Variants in NKAIN3 observed in about 807,000 individuals in gnomAD.
NKAIN3 encodes the protein sodium/potassium transporting ATPase interacting 3.
A neutral mutation model predicts 30.2 loss-of-function variants in NKAIN3; 25 were observed. The ratio of observed to expected loss-of-function variants is 0.83; its 90% CI spans 0.60 to 1.16. NKAIN3 has a LOEUF of 1.16. Ranked by LOEUF, NKAIN3 falls within the 50% of genes most tolerant of loss-of-function variation. The pLI, the probability that NKAIN3 is intolerant of heterozygous loss-of-function variation, is 0.00. For synonymous variants in NKAIN3, 91 were observed against 89.6 expected, an observed-to-expected ratio of 1.02 and a Z score of -0.09; for missense variants, 225 against 254.1, an observed-to-expected ratio of 0.89 and a Z score of 0.78.
chr8:62,889,974 C>T (rs952238136), intron 4 of NKAIN3, among the ~76,000 whole-genome samples: 2 of 152,032 alleles, frequency 1.3e-5, no homozygotes, highest in African/African-American at 4.8e-5. Flanking sequence ...TGGTTGGTTT[C>T]AAGACAGAGA....
chr8:62,707,369 G>A (rs1013449421), intron 3 of NKAIN3, among the ~76,000 whole-genome samples: 11 of 151,784 alleles, frequency 7.2e-5, no homozygotes, highest in South Asian at 2.1e-4. Flanking sequence ...TTTCCTGTTC[G>A]CCACACTCAC....
chr8:62,330,976 C>T (rs1182390580), intron 1 of NKAIN3, among the ~76,000 whole-genome samples: 1 of 151,524 alleles, frequency 6.6e-6, no homozygotes, highest in Non-Finnish European at 1.5e-5. Context: ...TTTCTCTAAT[C>T]TCTAGACTTC....
At chr8:62,260,394 A>G (rs979898449) in intron 1 of NKAIN3, among the ~76,000 whole-genome samples, 2 of 152,198 alleles carry the variant, frequency 1.3e-5, no homozygotes, top group African/African-American at 4.8e-5. Flanking sequence ...ATAATTCTTT[A>G]CCAAATTTGT....
At chr8:62,679,906 A>T (rs1426447503) in intron 3 of NKAIN3, among the ~76,000 whole-genome samples, 1 of 152,168 alleles carries the variant, frequency 6.6e-6, no homozygotes, top group Non-Finnish European at 1.5e-5. Context: ...ATAACTTCGC[A>T]GGTATAATAA....
intron 2 of NKAIN3, among the ~76,000 whole-genome samples, chr8:62,584,326 T>C (rs862386): frequency 0.2 from 30,953 of 152,154 alleles, 3,276 homozygotes; most frequent in East Asian, 0.31. Flanking sequence ...AAAATATGTA[T>C]GTTCACTGAG....
intron 3 of NKAIN3, among the ~76,000 whole-genome samples, chr8:62,711,883 G>T (rs1563527237): frequency 1.3e-5 from 2 of 152,216 alleles, no homozygotes; most frequent in African/African-American, 2.4e-5. Flanking sequence ...AAGAGGGAAT[G>T]TCTAGGGCTG....
At chr8:62,379,816 T>C (rs1268248070) in intron 1 of NKAIN3, among the ~76,000 whole-genome samples, 1 of 152,178 alleles carries the variant, frequency 6.6e-6, no homozygotes, top group Non-Finnish European at 1.5e-5. Context: ...GCCTTCATTT[T>C]TTTTCAGGAC....
chr8:62,396,163 C>G (rs2129594937), intron 1 of NKAIN3, among the ~76,000 whole-genome samples: 1 of 152,322 alleles, frequency 6.6e-6, no homozygotes, highest in South Asian at 2.1e-4. Flanking sequence ...CTCACACACA[C>G]ACATGCACAC....
chr8:62,560,427 G>A (rs983518776), intron 1 of NKAIN3, among the ~76,000 whole-genome samples: 1 of 150,656 alleles, frequency 6.6e-6, no homozygotes, highest in Non-Finnish European at 1.5e-5. Context: ...AATACCACAG[G>A]ACTTTCAGTC....
At chr8:62,869,892 C>T (rs188442612) in intron 4 of NKAIN3, among the ~76,000 whole-genome samples, 4 of 152,198 alleles carry the variant, frequency 2.6e-5, no homozygotes, top group South Asian at 2.1e-4. Context: ...CTCAGCCCCC[C>T]CGAAGTGGCT....
At chr8:62,484,167 C>T (rs886966615) in intron 1 of NKAIN3, among the ~76,000 whole-genome samples, 2 of 152,184 alleles carry the variant, frequency 1.3e-5, no homozygotes, top group African/African-American at 4.8e-5. Flanking sequence ...TGATGGGTTC[C>T]TCCTGTTTTC....
At chr8:62,652,186 T>C (rs1013735114) in intron 3 of NKAIN3, among the ~76,000 whole-genome samples, 2 of 152,116 alleles carry the variant, frequency 1.3e-5, no homozygotes, top group East Asian at 1.9e-4. Context: ...TAGGTTTCAA[T>C]GTATCAATTT....
chr8:62,495,963 C>A (rs896279706), intron 1 of NKAIN3, among the ~76,000 whole-genome samples: 2 of 152,118 alleles, frequency 1.3e-5, no homozygotes, highest in Admixed American at 1.3e-4. Context: ...ACAGTCACAC[C>A]ACAATTTGTC....
At chr8:62,941,405 C>G (rs963366204) in intron 5 of NKAIN3, among the ~76,000 whole-genome samples, 2 of 152,034 alleles carry the variant, frequency 1.3e-5, no homozygotes, top group Admixed American at 6.6e-5. Flanking sequence ...TTCTATGAAG[C>G]CACTATCACC....
At position 62,982,080 on chromosome 8, in the gene NKAIN3, C is replaced by G. The variant is rs1381587487; in HGVS notation, c.*16673C>G. ...AGAGATAGAAAACTCATATAAAAAT[C>G]TAAACTACAGTTTTATGGGGATAGT... On this transcript the variant is annotated 3_prime_UTR_variant, in exon 7 of 7. Transcript: ENST00000623646. 2.0e-5 allele frequency: 3 copies of G among 152,106 alleles called. No homozygotes were observed. The highest frequency in any genetic ancestry group is 4.4e-5 in the Non-Finnish European group (3 of 68,032). 9.4% of individuals were successfully genotyped at this position (152,106 alleles called of 1,614,324 possible). A position where few individuals can be genotyped will look rare whatever the true frequency, so the allele number is the denominator to read the frequency against.
At chr8:62,866,716 A>G (rs1485719173) in intron 4 of NKAIN3, among the ~76,000 whole-genome samples, 2 of 152,134 alleles carry the variant, frequency 1.3e-5, no homozygotes, top group East Asian at 1.9e-4. Context: ...TGTTGTAACA[A>G]TAATCCATTG....
At chr8:62,379,104 G>C (rs1817186665) in intron 1 of NKAIN3, among the ~76,000 whole-genome samples, 1 of 152,180 alleles carries the variant, frequency 6.6e-6, no homozygotes, top group South Asian at 2.1e-4. Context: ...AAGGAGATAA[G>C]TTTGGAAATT....
chr8:62,943,193 A>G (rs935566364), intron 5 of NKAIN3, among the ~76,000 whole-genome samples: 1 of 152,128 alleles, frequency 6.6e-6, no homozygotes, highest in African/African-American at 2.4e-5. Flanking sequence ...CCGCAGGAAA[A>G]AAACAAACAA....
intron 1 of NKAIN3, among the ~76,000 whole-genome samples, chr8:62,354,436 T>TCTTTTTTCTTTCTTC (rs2129591984): frequency 6.6e-6 from 1 of 152,286 alleles, no homozygotes; most frequent in African/African-American, 2.4e-5. Context: ...AAAGACAGTT[T>TCTTTTTTCTTTCTTC]CTTTTTTCTT....
Sources: allele counts gnomAD v4.1 joint callset (sites outside exome capture counted in the v4.1 genomes callset), GRCh38; gene constraint gnomAD v4.1.1; transcripts MANE v1.5; gene names NCBI Gene and HGNC (gene_info 2026-07-23, HGNC 2026-07-21).